NUFIP1: variants seen among roughly 807,000 people sequenced by gnomAD.
NUFIP1 encodes the protein FMR1-interacting protein NUFIP1.
Under a neutral mutation model 56.2 loss-of-function variants are expected in NUFIP1, and 38 were observed. That is an observed-to-expected ratio of 0.68 (90% CI 0.52 to 0.89). The LOEUF (loss-of-function observed/expected upper bound fraction) is 0.89, where lower values mean the gene tolerates loss of function less well. Among genes scored for constraint, NUFIP1 ranks in the 40% least tolerant of loss-of-function variants. The pLI is 0.00. For synonymous variants in NUFIP1, 215 were observed against 212.4 expected, an observed-to-expected ratio of 1.01 and a Z score of -0.10; for missense variants, 567 against 605.8, an observed-to-expected ratio of 0.94 and a Z score of 0.67.
At chr13:44,949,971 A>AGG in intron 7 of NUFIP1, 133 bp from the exon 8 acceptor site, 1 of 682,892 alleles carries the variant, frequency 1.5e-6, no homozygotes. Flanking sequence ...GACTAATTCT[A>AGG]GGGGGCCAGA....
rs1428182637 is a variant in NUFIP1 at position 44,940,242 on chromosome 13, T to C, written c.*964A>G. 2 of 152,268 alleles carry C rather than the reference T, an allele frequency of 1.3e-5. No homozygotes were observed. Among genetic ancestry groups the C allele is most frequent in the East Asian group, 3.9e-4 (2 of 5,176 alleles). The allele number at this position is 152,268 out of a possible 1,614,324, so 9.4% of individuals were successfully genotyped here. A position where few individuals can be genotyped will look rare whatever the true frequency, so the allele number is the denominator to read the frequency against. ...AAGGCTGGAAAACACTGGCTAAACA[T>C]GAATCTTCATCTCAGGTCTGTGACG... On this transcript the variant is annotated 3_prime_UTR_variant, in exon 10 of 10. Transcript: ENST00000379161.
At chr13:44,965,096 G>A (rs1405149769) in intron 6 of NUFIP1, among the ~76,000 whole-genome samples, 3 of 152,178 alleles carry the variant, frequency 2.0e-5, no homozygotes, top group Non-Finnish European at 4.4e-5. Flanking sequence ...GGTGGGAGGT[G>A]ATTGGGTCTT....
At chr13:44,948,087 A>G (rs1870954422) in intron 8 of NUFIP1, among the ~76,000 whole-genome samples, 1 of 151,384 alleles carries the variant, frequency 6.6e-6, no homozygotes, top group Admixed American at 6.6e-5. Flanking sequence ...AACATTGATT[A>G]TCTCTAGCCT....
chr13:44,963,103 A>C (rs1214618998), intron 6 of NUFIP1, among the ~76,000 whole-genome samples: 1 of 152,208 alleles, frequency 6.6e-6, no homozygotes, highest in African/African-American at 2.4e-5. Context: ...AAAACAAAAA[A>C]AAAACTTGCT....
intron 2 of NUFIP1, among the ~76,000 whole-genome samples, chr13:44,981,198 G>A (rs1204140757): frequency 3.9e-5 from 6 of 152,054 alleles, no homozygotes; most frequent in Non-Finnish European, 8.8e-5. Flanking sequence ...GCTGACCCTT[G>A]AACAACACAG....
intron 5 of NUFIP1, among the ~76,000 whole-genome samples, chr13:44,970,977 A>G (rs1042243327): frequency 2.0e-5 from 3 of 152,182 alleles, no homozygotes; most frequent in Non-Finnish European, 2.9e-5. Flanking sequence ...CGCCCGGCCC[A>G]TAATAGGTTT....
At chr13:44,981,575 C>T (rs7982305) in intron 2 of NUFIP1, among the ~76,000 whole-genome samples, 5,300 of 152,156 alleles carry the variant, frequency 0.035, 131 homozygotes, top group East Asian at 0.12. Flanking sequence ...CTTTGGGAGG[C>T]GGAGGTGGGC....
chr13:44,981,536 G>A (rs948408030), intron 2 of NUFIP1, among the ~76,000 whole-genome samples: 1 of 152,180 alleles, frequency 6.6e-6, no homozygotes, highest in Non-Finnish European at 1.5e-5. Context: ...ATATGGCCAG[G>A]CATGGTGGCT....
intron 7 of NUFIP1, among the ~76,000 whole-genome samples, chr13:44,954,744 C>T (rs550073646): frequency 6.6e-6 from 1 of 152,256 alleles, no homozygotes; most frequent in African/African-American, 2.4e-5. Context: ...AAGTCACCCT[C>T]AAAAATAGGG....
At chr13:44,979,049 G>C in intron 5 of NUFIP1, 141 bp downstream of exon 5, 1 of 584,294 alleles carries the variant, frequency 1.7e-6, no homozygotes, top group Non-Finnish European at 2.9e-6. Flanking sequence ...CTAAAACTAC[G>C]TTCAATAATA....
chr13:44,959,489 T>C lies in NUFIP1; in HGVS notation c.913A>G (p.Arg305Gly). ...KNHKWKNDNS[R>G]QRAVTGSGSH... ...CCTGATCCAGTGACTGCTCTCTGTCTAGAATTGTCGTTTTTCCATTTGTGA... is the reference window on the plus strand; with the variant it reads ...CCTGATCCAGTGACTGCTCTCTGTCCAGAATTGTCGTTTTTCCATTTGTGA... Residue 305 changes from arginine to glycine, a missense_variant, in exon 7 of 10, where the codon AGA (arginine) becomes GGA (glycine). Physicochemically the swap from Arg to Gly is moderately radical, Grantham distance 125. Transcript: ENST00000379161. The C allele has an allele frequency of 1.2e-6, 2 of 1,614,192 alleles. No individual in the cohort carries two copies. Among genetic ancestry groups the C allele is most frequent in the Non-Finnish European group, 8.5e-7 (1 of 1,180,028 alleles).
At position 44,989,282 on chromosome 13, in the gene NUFIP1, G is replaced by A. The variant is rs143885698; in HGVS notation, c.155C>T (p.Ser52Phe). The change falls in exon 1 of 10, where the codon TCC becomes TTC. Residue 52 changes from serine to phenylalanine, a missense_variant. By Grantham distance (155) the Ser-to-Phe change is radical (BLOSUM62 -2). Coordinates refer to ENST00000379161, the MANE Select transcript of NUFIP1 (RefSeq NM_012345.3). Reference sequence around the variant, plus strand: ...CTTTGACCCGGCTGCGGGAAGCGAGGACGTAAGTGGTGGTGGCGGTGGCGG... The same window carrying A: ...CTTTGACCCGGCTGCGGGAAGCGAGAACGTAAGTGGTGGTGGCGGTGGCGG... Reference protein sequence around the residue: ...MLPPPPPPLTSSLPAAGSKPS... With the variant: ...MLPPPPPPLTFSLPAAGSKPS... 7.4e-6 allele frequency: 12 copies of A among 1,613,678 alleles called. No individual in the cohort carries two copies. Among genetic ancestry groups the A allele is most frequent in the Non-Finnish European group, 1.0e-5 (12 of 1,179,904 alleles).
chr13:44,956,366 C>T lies in NUFIP1; in HGVS notation c.1021+3015G>A, dbSNP rs965213024. Reference sequence around the variant, plus strand: ...ACAACGGTCCCCAGCCTTTCTGGCACGAGGGACCAGTTTTGTGGAAGACAA... The same window carrying T: ...ACAACGGTCCCCAGCCTTTCTGGCATGAGGGACCAGTTTTGTGGAAGACAA... On this transcript the variant is annotated intron_variant, in intron 7 of 9. Transcript: ENST00000379161. 1.3e-4 allele frequency among the ~76,000 whole-genome samples: 19 copies of T among 151,838 alleles called. 1 individual carries two copies. The highest frequency in any genetic ancestry group is 8.3e-4 in the South Asian group (4 of 4,798).
intron 7 of NUFIP1, among the ~76,000 whole-genome samples, chr13:44,957,890 T>C (rs983968445): frequency 6.6e-6 from 1 of 152,140 alleles, no homozygotes; most frequent in Non-Finnish European, 1.5e-5. Flanking sequence ...AGTCTTCACA[T>C]TTGTGTTTTA....
At chr13:44,980,020 T>C in intron 3 of NUFIP1, 68 bp from the exon 4 acceptor site, 2 of 1,109,314 alleles carry the variant, frequency 1.8e-6, no homozygotes, top group Non-Finnish European at 1.3e-6. Flanking sequence ...TACCCCACTA[T>C]ACATACACAG....
intron 6 of NUFIP1, among the ~76,000 whole-genome samples, chr13:44,964,085 C>A (rs1566060225): frequency 6.6e-6 from 1 of 152,060 alleles, no homozygotes; most frequent in Non-Finnish European, 1.5e-5. Context: ...ACACTATGTA[C>A]AATAATTAAT....
chr13:44,965,879 CTCCTTT>C lies in NUFIP1; in HGVS notation c.786_791del (p.Glu264_Lys265del), dbSNP rs757095396. The C allele has an allele frequency of 3.1e-6, 5 of 1,602,614 alleles. No homozygotes were observed. Among genetic ancestry groups the C allele is most frequent in the Admixed American group, 1.7e-5 (1 of 58,244 alleles). On this transcript the variant is annotated inframe_deletion, in exon 6 of 10. Coordinates refer to ENST00000379161, the MANE Select transcript of NUFIP1 (RefSeq NM_012345.3). The stretch of plus-strand genomic sequence containing the variant: ...TTGTTGTCAATACTGCTCCTCTCTT[CTCCTTT>C]TCAAGTTTTAACTTCTTCTTCCTTT...
chr13:44,946,847 C>T (rs567377077), intron 8 of NUFIP1, among the ~76,000 whole-genome samples: 11 of 152,204 alleles, frequency 7.2e-5, no homozygotes. Context: ...TTAAAACTCC[C>T]TATGTGTCAA....
intron 7 of NUFIP1, among the ~76,000 whole-genome samples, chr13:44,956,430 G>A (rs1227485329): frequency 1.3e-5 from 2 of 152,112 alleles, no homozygotes; most frequent in South Asian, 2.1e-4. Context: ...GATTGGGGAT[G>A]GTTTCAGGAT....
Sources: allele counts gnomAD v4.1 joint callset (sites outside exome capture counted in the v4.1 genomes callset), GRCh38; gene constraint gnomAD v4.1.1; transcripts MANE v1.5; gene names NCBI Gene and HGNC (gene_info 2026-07-23, HGNC 2026-07-21).